MCPH1: variants seen among roughly 807,000 people sequenced by gnomAD.
The protein encoded by MCPH1 is microcephalin.
In MCPH1, 104 loss-of-function variants were observed where a neutral mutation model predicts 84.5. The ratio of observed to expected loss-of-function variants is 1.23; its 90% CI spans 1.05 to 1.45. MCPH1 has a LOEUF of 1.45. Ranked by LOEUF, MCPH1 falls within the 40% of genes most tolerant of loss-of-function variation. The probability of loss-of-function intolerance (pLI) is 0.00; values close to 1 mark genes in which losing one functional copy is unlikely to be tolerated. For missense variants in MCPH1, 1,498 were observed against 1,005.7 expected (o/e 1.49, Z -6.62); for synonymous variants, 514 against 366.8 (o/e 1.40, Z -4.58).
At chr8:6,523,875 C>G (rs1209110330) in intron 12 of MCPH1, among the ~76,000 whole-genome samples, 1 of 148,270 alleles carries the variant, frequency 6.7e-6, no homozygotes, top group Non-Finnish European at 1.5e-5. Flanking sequence ...GCATGAGCCA[C>G]CGTGCCTGGC....
At chr8:6,504,920 T>G (rs1287262713) in intron 12 of MCPH1, among the ~76,000 whole-genome samples, 1 of 152,008 alleles carries the variant, frequency 6.6e-6, no homozygotes, top group Non-Finnish European at 1.5e-5. Context: ...AGGACTGCTG[T>G]AACCTTGATT....
intron 9 of MCPH1, among the ~76,000 whole-genome samples, chr8:6,469,726 A>T (rs923570897): frequency 6.6e-6 from 1 of 152,220 alleles, no homozygotes; most frequent in Non-Finnish European, 1.5e-5. Flanking sequence ...TCTATTTATC[A>T]CTAATAAAAC....
chr8:6,448,872 G>A (rs1014958239), intron 8 of MCPH1, among the ~76,000 whole-genome samples: 2 of 152,152 alleles, frequency 1.3e-5, no homozygotes, highest in Non-Finnish European at 2.9e-5. Context: ...ATCGAGGTAT[G>A]TAGGTACTCA....
At chr8:6,516,758 T>A (rs998926468) in intron 12 of MCPH1, among the ~76,000 whole-genome samples, 8 of 152,246 alleles carry the variant, frequency 5.3e-5, no homozygotes, top group African/African-American at 1.9e-4. Flanking sequence ...GAGCCTATCC[T>A]TGTTCCAAGA....
At chr8:6,590,689 C>G (rs963928872) in intron 12 of MCPH1, among the ~76,000 whole-genome samples, 2 of 152,128 alleles carry the variant, frequency 1.3e-5, no homozygotes, top group African/African-American at 4.8e-5. Flanking sequence ...GGAAATAAGC[C>G]TGGAAAAGCA....
At chr8:6,601,139 A>G (rs374844250) in intron 12 of MCPH1, among the ~76,000 whole-genome samples, 1 of 152,088 alleles carries the variant, frequency 6.6e-6, no homozygotes, top group African/African-American at 2.4e-5. Flanking sequence ...ACCTGGAGAC[A>G]GAGTCCATAG....
intron 9 of MCPH1, among the ~76,000 whole-genome samples, chr8:6,475,838 C>G (rs1808377885): frequency 6.6e-6 from 1 of 152,116 alleles, no homozygotes; most frequent in African/African-American, 2.4e-5. Context: ...TGGCATACTC[C>G]ACAGTCCATG....
At chr8:6,423,651 A>C (rs973884273) in intron 3 of MCPH1, among the ~76,000 whole-genome samples, 2 of 151,976 alleles carry the variant, frequency 1.3e-5, no homozygotes, top group Non-Finnish European at 2.9e-5. Context: ...TACAGCATTG[A>C]GCTTCTGTAT....
At position 6,413,129 on chromosome 8, in the gene MCPH1, T is replaced by C. The variant is rs566113275; in HGVS notation, c.115-1636T>C. The stretch of plus-strand genomic sequence containing the variant: ...TTTTGACACCATGAGTGTCTGAGCA[T>C]GCCTTTATTATACTGTTACCTTTGA... On this transcript the variant is annotated intron_variant, in intron 2 of 13. Transcript: ENST00000344683. 5.3e-5 allele frequency among the ~76,000 whole-genome samples: 8 copies of C among 152,292 alleles called. No homozygotes were observed. The South Asian group carries it at 1.7e-3, about 32-fold the overall frequency.
In MCPH1 at chr8:6,498,727, A is replaced by C. The variant is rs139788567; in HGVS notation, c.2137-1125A>C. Among the ~76,000 whole-genome samples the C allele has an allele frequency of 3.6e-3, 542 of 152,190 alleles. 3 individuals carry two copies. The highest frequency in any genetic ancestry group is 0.011 in the African/African-American group (456 of 41,520). On this transcript the variant is annotated intron_variant, in intron 11 of 13. Transcript: ENST00000344683. ...CTTGTCTGAAATGAACTTGATTTTA[A>C]CCTTTTATTTTCTGGTCTAATTATA...
chr8:6,555,619 G>T (rs1303988373), intron 12 of MCPH1, among the ~76,000 whole-genome samples: 2 of 151,824 alleles, frequency 1.3e-5, no homozygotes, highest in South Asian at 4.2e-4. Flanking sequence ...GTACCACCAC[G>T]CCTGGGTGAT....
chr8:6,571,877 C>T (rs1162200111), intron 12 of MCPH1, among the ~76,000 whole-genome samples: 1 of 152,110 alleles, frequency 6.6e-6, no homozygotes, highest in African/African-American at 2.4e-5. Context: ...GTGATGTTTG[C>T]TTGAAGTATA....
At chr8:6,531,903 T>C (rs1984859) in intron 12 of MCPH1, among the ~76,000 whole-genome samples, 58,506 of 152,054 alleles carry the variant, frequency 0.38, 11,531 homozygotes, top group African/African-American at 0.41. Context: ...ATTCAGGTTT[T>C]ATCTTAACTC....
chr8:6,607,876 C>T lies in MCPH1; in HGVS notation c.2215-13578C>T, dbSNP rs544602731. ...ATAAAGTATCCAGTCTTGGGTATGT[C>T]TATATCAGCAGCATGAAAACGGACT... On this transcript the variant is annotated intron_variant, in intron 12 of 13. Transcript: ENST00000344683. Among the ~76,000 whole-genome samples the T allele has an allele frequency of 1.1e-4, 16 of 152,316 alleles. No individual in the cohort carries two copies. In the South Asian group the frequency reaches 3.3e-3, roughly 32 times the overall value.
At chr8:6,607,220 T>G (rs1341522306) in intron 12 of MCPH1, among the ~76,000 whole-genome samples, 1 of 152,162 alleles carries the variant, frequency 6.6e-6, no homozygotes. Context: ...GAAAGGAACA[T>G]CCTTGTCTCT....
intron 3 of MCPH1, among the ~76,000 whole-genome samples, chr8:6,424,629 G>A (rs1018805902): frequency 2.6e-5 from 4 of 152,198 alleles, no homozygotes; most frequent in African/African-American, 9.6e-5. Context: ...AGTTTGGAAC[G>A]GTCTGATGTG....
rs1019350078 is a variant in MCPH1 at position 6,595,364 on chromosome 8, C to T, written c.2215-26090C>T. On this transcript the variant is annotated intron_variant, in intron 12 of 13. Transcript: ENST00000344683. Reference sequence around the variant, plus strand: ...GGGAGATGGGTCAGGAGTGTGGACTCGAGTCCACAGCGCTAAACTGTCCCA... The same window carrying T: ...GGGAGATGGGTCAGGAGTGTGGACTTGAGTCCACAGCGCTAAACTGTCCCA... Among the ~76,000 whole-genome samples the T allele has an allele frequency of 2.0e-5, 3 of 151,950 alleles. 1 individual carries two copies. Among genetic ancestry groups the T allele is most frequent in the South Asian group, 4.1e-4 (2 of 4,820 alleles).
At chr8:6,642,678 A>G (rs1417582271) in intron 13 of MCPH1, 1 of 443,526 alleles carries the variant, frequency 2.3e-6, no homozygotes, top group East Asian at 4.7e-5. Flanking sequence ...CCTATGTCAC[A>G]GACTGGCAAG....
At chr8:6,591,812 C>T (rs903465089) in intron 12 of MCPH1, among the ~76,000 whole-genome samples, 4 of 152,064 alleles carry the variant, frequency 2.6e-5, no homozygotes, top group African/African-American at 9.7e-5. Flanking sequence ...TCATTTTGAC[C>T]CTTGGCATAC....
Sources: gnomAD v4.1 joint callset for allele counts (sites outside exome capture counted in the v4.1 genomes callset) on GRCh38, gnomAD v4.1.1 for gene constraint, MANE v1.5 for transcripts, NCBI Gene and HGNC (gene_info 2026-07-23, HGNC 2026-07-21) for gene names.